Variants in KIRREL3 observed in about 807,000 individuals in gnomAD.
KIRREL3 encodes kin of IRRE-like protein 3.
In KIRREL3, 36 loss-of-function variants were observed where a neutral mutation model predicts 89.7. That is an observed-to-expected ratio of 0.40 (90% CI 0.31 to 0.53). The LOEUF (loss-of-function observed/expected upper bound fraction) is 0.53, where lower values mean the gene tolerates loss of function less well. Ranked by LOEUF, KIRREL3 falls within the 20% of genes least tolerant of loss-of-function variation. The pLI, the probability that KIRREL3 is intolerant of heterozygous loss-of-function variation, is 0.49. For synonymous variants in KIRREL3, 445 were observed against 441.4 expected (o/e 1.01, Z -0.10); for missense variants, 864 against 1,056.6 (o/e 0.82, Z 2.53).
In KIRREL3 at chr11:126,708,687, G is replaced by A. The variant is rs865945818; in HGVS notation, c.56-145775C>T. ...CCTGGGCACTCCTTGCTGATGGACC[G>A]GGACCTCCTCTCCCATTTCTCCGGG... On this transcript the variant is annotated intron_variant, in intron 1 of 16. Coordinates refer to ENST00000525144, the MANE Select transcript of KIRREL3 (RefSeq NM_032531.4). This position sits in a 1 kb window ranked among gnomAD's most constrained non-coding sequence, Gnocchi z 5.7. Among the ~76,000 whole-genome samples the A allele has an allele frequency of 6.6e-6, 1 of 152,112 alleles. No homozygotes were observed. The highest frequency in any genetic ancestry group is 2.4e-5 in the African/African-American group (1 of 41,426).
At position 126,764,533 on chromosome 11, in the gene KIRREL3, C is replaced by T. The variant is rs995753103; in HGVS notation, c.56-201621G>A. ...TGCTCAACAACCTTCTTTGCTGCAC[C>T]CGCCGCTGCCTCATGAGGTTCCTGG... On this transcript the variant is annotated intron_variant, in intron 1 of 16. Coordinates refer to ENST00000525144, the MANE Select transcript of KIRREL3 (RefSeq NM_032531.4). The surrounding 1 kb of genome is among the most constrained non-coding windows in gnomAD (Gnocchi z 4.2). Among the ~76,000 whole-genome samples the T allele has an allele frequency of 6.6e-6, 1 of 152,172 alleles. No homozygotes were observed. The highest frequency in any genetic ancestry group is 1.5e-5 in the Non-Finnish European group (1 of 68,032).
intron 1 of KIRREL3, among the ~76,000 whole-genome samples, chr11:126,670,600 T>G (rs1205449688): frequency 6.6e-6 from 1 of 152,224 alleles, no homozygotes; most frequent in African/African-American, 2.4e-5. Flanking sequence ...ATAGCAAGAT[T>G]GTAGGATACA....
At chr11:126,659,482 G>T (rs1945297811) in intron 1 of KIRREL3, among the ~76,000 whole-genome samples, 2 of 152,186 alleles carry the variant, frequency 1.3e-5, no homozygotes, top group African/African-American at 4.8e-5. Flanking sequence ...AGGCACACTG[G>T]TCCAAGTGTC....
intron 4 of KIRREL3, among the ~76,000 whole-genome samples, chr11:126,511,873 G>A (rs1299107605): frequency 6.6e-6 from 1 of 152,178 alleles, no homozygotes; most frequent in African/African-American, 2.4e-5. Flanking sequence ...AGGTCGGAAC[G>A]GAGAAGCGGC....
rs1317822666 is a variant in KIRREL3, at chr11:126,953,589, T to TAC, written c.55+46864_55+46865dup. Among the ~76,000 whole-genome samples, 5 of 143,312 alleles carry TAC rather than the reference T, an allele frequency of 3.5e-5. No homozygotes were observed. The highest frequency in any genetic ancestry group is 7.2e-5 in the Admixed American group (1 of 13,828). The allele number at this position is 143,312 out of a possible 152,430, so 94.0% of individuals were successfully genotyped here. ...ATCATGGATGCAAATGTGGATCAAATACACACACACACACTTGGGAGAGAT... is the reference window on the plus strand; with the variant it reads ...ATCATGGATGCAAATGTGGATCAAATACACACACACACACACTTGGGAGAGAT... On this transcript the variant is annotated intron_variant, in intron 1 of 16. Transcript: ENST00000525144. This position sits in a 1 kb window ranked among gnomAD's most constrained non-coding sequence, Gnocchi z 5.2.
chr11:126,886,987 C>T (rs1023047905), intron 1 of KIRREL3, among the ~76,000 whole-genome samples: 4 of 152,068 alleles, frequency 2.6e-5, no homozygotes, highest in African/African-American at 4.8e-5. Context: ...TGAGCAGGCT[C>T]CAGAAAGTCA....
chr11:126,487,702 T>C (rs1200812009), intron 4 of KIRREL3, among the ~76,000 whole-genome samples: 2 of 152,262 alleles, frequency 1.3e-5, no homozygotes, highest in Admixed American at 6.5e-5. Context: ...TCTGGCCTTA[T>C]AGTTATTTTT....
chr11:126,765,211 C>A lies in KIRREL3; in HGVS notation c.56-202299G>T, dbSNP rs556655941. On this transcript the variant is annotated intron_variant, in intron 1 of 16. Transcript: ENST00000525144. ...ACCCCGTGGCTCTGCCAGTTCTTTC[C>A]ATTGACTAAATATCAGTTTCCTCAT... Among the ~76,000 whole-genome samples, 4 of 152,314 alleles carry A rather than the reference C, an allele frequency of 2.6e-5. No individual in the cohort carries two copies. In the South Asian group the frequency reaches 8.3e-4, roughly 32 times the overall value.
intron 1 of KIRREL3, among the ~76,000 whole-genome samples, chr11:126,839,580 A>G (rs1036041067): frequency 3.3e-5 from 5 of 152,130 alleles, no homozygotes; most frequent in African/African-American, 1.2e-4. Context: ...ACTTTATATT[A>G]CATACATTTT....
chr11:126,735,798 T>C (rs114834192), intron 1 of KIRREL3, among the ~76,000 whole-genome samples: 2,117 of 152,322 alleles, frequency 0.014, 47 homozygotes, highest in African/African-American at 0.045. Context: ...AATTACTTTC[T>C]CATTGCTTCC....
At chr11:126,878,041 T>A (rs770969118) in intron 1 of KIRREL3, among the ~76,000 whole-genome samples, 8 of 152,178 alleles carry the variant, frequency 5.3e-5, no homozygotes, top group Non-Finnish European at 7.3e-5. Flanking sequence ...CCTAGGCTTC[T>A]AACTCAGTGT....
chr11:126,451,122 T>C (rs1343819238), intron 7 of KIRREL3, among the ~76,000 whole-genome samples: 1 of 148,730 alleles, frequency 6.7e-6, no homozygotes, highest in Non-Finnish European at 1.5e-5. Context: ...CATGTGTGTG[T>C]GTGCATGTGC....
At chr11:126,911,576 T>A (rs1337512425) in intron 1 of KIRREL3, among the ~76,000 whole-genome samples, 1 of 152,152 alleles carries the variant, frequency 6.6e-6, no homozygotes, top group Non-Finnish European at 1.5e-5. Context: ...GCAGTAATGA[T>A]CTGACCTGTG....
In KIRREL3 at chr11:126,917,594, G is replaced by C. The variant is rs906322851; in HGVS notation, c.55+82861C>G. Among the ~76,000 whole-genome samples the C allele has an allele frequency of 2.0e-5, 3 of 152,174 alleles. No individual in the cohort carries two copies. Among genetic ancestry groups the C allele is most frequent in the Non-Finnish European group, 4.4e-5 (3 of 68,030 alleles). On this transcript the variant is annotated intron_variant, in intron 1 of 16. Transcript: ENST00000525144. The surrounding 1 kb of genome is among the most constrained non-coding windows in gnomAD (Gnocchi z 5.0). ...TTAGAGCACTGCTCAGTTGTAGGCT[G>C]TGTGGGGAGTGAGTAATGATCACCT...
chr11:126,662,906 CT>C (rs756193928), intron 1 of KIRREL3, among the ~76,000 whole-genome samples: 1,864 of 91,880 alleles, frequency 0.02, 17 homozygotes, highest in African/African-American at 0.07. Flanking sequence ...AAAGTCCTTT[CT>C]TTTTTTTTTT....
At chr11:126,799,876 C>T (rs776169509) in intron 1 of KIRREL3, among the ~76,000 whole-genome samples, 3 of 152,126 alleles carry the variant, frequency 2.0e-5, no homozygotes, top group Non-Finnish European at 4.4e-5. Context: ...CACCTAAAAG[C>T]GCAGGAGCCT....
chr11:126,506,373 A>G (rs1252316515), intron 4 of KIRREL3, among the ~76,000 whole-genome samples: 1 of 152,250 alleles, frequency 6.6e-6, no homozygotes, highest in Non-Finnish European at 1.5e-5. Context: ...AAGGACTTGT[A>G]TCCTGGCTAT....
intron 1 of KIRREL3, among the ~76,000 whole-genome samples, chr11:126,823,345 G>T (rs1306531828): frequency 6.6e-6 from 1 of 152,134 alleles, no homozygotes; most frequent in Non-Finnish European, 1.5e-5. Flanking sequence ...AACCTCCAGG[G>T]CCTTTGCTTT....
chr11:126,884,119 A>G (rs898736767), intron 1 of KIRREL3, among the ~76,000 whole-genome samples: 2 of 152,212 alleles, frequency 1.3e-5, no homozygotes, highest in African/African-American at 4.8e-5. Context: ...ATTAATTAGA[A>G]AAAGTTCTCT....
Sources: gnomAD v4.1 joint callset for allele counts (sites outside exome capture counted in the v4.1 genomes callset) on GRCh38, gnomAD v4.1.1 for gene constraint, Gnocchi (gnomAD v3.1) non-coding constraint, MANE v1.5 for transcripts, NCBI Gene and HGNC (gene_info 2026-07-23, HGNC 2026-07-21) for gene names.